Variants in NFIX observed in about 807,000 individuals in gnomAD.
NFIX encodes the protein nuclear factor I X.
Under a neutral mutation model 53.3 loss-of-function variants are expected in NFIX, and 2 were observed. The observed-to-expected ratio is 0.04, with a 90% CI of 0.02 to 0.12. The LOEUF (loss-of-function observed/expected upper bound fraction) is 0.12, where lower values mean the gene tolerates loss of function less well. NFIX is among the 10% of genes least tolerant of loss of function. The pLI, the probability that NFIX is intolerant of heterozygous loss-of-function variation, is 1.00. For missense variants in NFIX, 310 were observed against 674.5 expected (o/e 0.46, Z 5.99); for synonymous variants, 244 against 289.0 (o/e 0.84, Z 1.58).
Position 13,088,035 on chromosome 19 carries a change from C to T in NFIX, c.1301C>T (p.Pro434Leu). Residue 434 changes from proline (P) to leucine (L), a missense_variant, in exon 9 of 11, where the codon CCG (proline) becomes CTG (leucine). Coordinates refer to ENST00000592199, the MANE Select transcript of NFIX (RefSeq NM_001365902.3). This position sits in a 1 kb window ranked among gnomAD's most constrained non-coding sequence, Gnocchi z 5.9. The part of the protein sequence containing the change: ...QGKVPGSFLL[P>L]PPPPVARPVP... The stretch of plus-strand genomic sequence containing the variant: ...AAAGTCCCGGGGTCATTTTTGCTAC[C>T]GCCGCCGCCTCCAGTGGCCAGACCT... The T allele has an allele frequency of 2.6e-6, 4 of 1,536,126 alleles. No individual in the cohort carries two copies. Among genetic ancestry groups the T allele is most frequent in the Non-Finnish European group, 3.5e-6 (4 of 1,146,908 alleles).
At chr19:13,058,272 T>C (rs941019224) in intron 2 of NFIX, among the ~76,000 whole-genome samples, 5 of 152,108 alleles carry the variant, frequency 3.3e-5, no homozygotes, top group Non-Finnish European at 5.9e-5. Context: ...ACCTCTCCTG[T>C]AGGCCCTGCC....
chr19:13,040,168 C>G lies in NFIX; in HGVS notation c.559+14616C>G, dbSNP rs117802214. ...AGGAAAATGGGGAAGGAGCAGCCTT[C>G]TTCTCAGCCCCTTCCTTCACCCCTG... On this transcript the variant is annotated intron_variant, in intron 2 of 10. Coordinates refer to ENST00000592199, the MANE Select transcript of NFIX (RefSeq NM_001365902.3). The surrounding 1 kb of genome is among the most constrained non-coding windows in gnomAD (Gnocchi z 4.2). Among the ~76,000 whole-genome samples the G allele has an allele frequency of 0.028, 4,284 of 152,332 alleles. 72 individuals are homozygous for G. Among genetic ancestry groups the G allele is most frequent in the Middle Eastern group, 0.082 (24 of 294 alleles).
chr19:13,078,341 C>A lies in NFIX; in HGVS notation c.956-272C>A, dbSNP rs1258708527. Reference sequence around the variant, plus strand: ...GCATAGGCTGGGGCCCTTGCTCACCCCCTGCCTGGCACACACCACCCCACA... The same window carrying A: ...GCATAGGCTGGGGCCCTTGCTCACCACCTGCCTGGCACACACCACCCCACA... On this transcript the variant is annotated intron_variant, in intron 6 of 10. Transcript: ENST00000592199. The surrounding 1 kb of genome is among the most constrained non-coding windows in gnomAD (Gnocchi z 4.7). Among the ~76,000 whole-genome samples the A allele has an allele frequency of 6.6e-6, 1 of 152,256 alleles. No individual in the cohort carries two copies. The highest frequency in any genetic ancestry group is 2.4e-5 in the African/African-American group (1 of 41,464).
At chr19:13,074,692 G>C (rs1377137152) in intron 5 of NFIX, among the ~76,000 whole-genome samples, 2 of 151,722 alleles carry the variant, frequency 1.3e-5, no homozygotes, top group Non-Finnish European at 1.5e-5. Flanking sequence ...GTGCTGGGCA[G>C]GGTCCACTCC....
chr19:13,077,451 T>G (rs928066662), intron 6 of NFIX, among the ~76,000 whole-genome samples: 3 of 152,140 alleles, frequency 2.0e-5, no homozygotes, highest in African/African-American at 7.2e-5. Context: ...GGGGAGGCAC[T>G]GTGCGGCCAT....
chr19:13,000,143 A>G (rs1380007106), intron 1 of NFIX, among the ~76,000 whole-genome samples: 1 of 152,222 alleles, frequency 6.6e-6, no homozygotes, highest in Non-Finnish European at 1.5e-5. Flanking sequence ...GTCAGACAGA[A>G]ATGGGTTCGA....
intron 1 of NFIX, 199 bp from the exon 2 acceptor site, chr19:13,024,822 C>A: frequency 7.4e-7 from 1 of 1,359,890 alleles, no homozygotes. Flanking sequence ...GCTGGCGAAG[C>A]TGGTGGTGGC....
In NFIX at chr19:13,067,444, A is replaced by G. The variant is rs1019843420; in HGVS notation, c.560-5603A>G. Among the ~76,000 whole-genome samples the G allele has an allele frequency of 1.3e-5, 2 of 148,688 alleles. No homozygotes were observed. Among genetic ancestry groups the G allele is most frequent in the African/African-American group, 2.5e-5 (1 of 39,914 alleles). ...TGGACGGCAAGAAGTGGTTAGTGGC[A>G]CCTCCGTGTGTGTGCGCGCGTGTGT... is the stretch of plus-strand genomic sequence containing the variant. On this transcript the variant is annotated intron_variant, in intron 2 of 10. Transcript: ENST00000592199. The surrounding 1 kb of genome is among the most constrained non-coding windows in gnomAD (Gnocchi z 4.2).
rs947859282 is a variant in NFIX, at chr19:13,090,929, G to A, written c.1494+539G>A. Among the ~76,000 whole-genome samples the A allele has an allele frequency of 3.9e-5, 6 of 152,152 alleles. No individual in the cohort carries two copies. The highest frequency in any genetic ancestry group is 7.4e-5 in the Non-Finnish European group (5 of 68,022). On this transcript the variant is annotated intron_variant, in intron 10 of 10. Transcript: ENST00000592199. The surrounding 1 kb of genome is among the most constrained non-coding windows in gnomAD (Gnocchi z 6.6). ...CCCAAGTCTCCAGGAGTCCTGTTAG[G>A]GAGAAGGCCAGCATGCTGGAGACCT...
chr19:13,047,603 C>T (rs1399524741), intron 2 of NFIX, among the ~76,000 whole-genome samples: 1 of 152,114 alleles, frequency 6.6e-6, no homozygotes, highest in African/African-American at 2.4e-5. Context: ...TTGAGTGGTG[C>T]CATGTGTTGA....
chr19:12,998,927 C>A lies in NFIX; in HGVS notation c.27+3063C>A. On this transcript the variant is annotated intron_variant, in intron 1 of 10. Coordinates refer to ENST00000592199, the MANE Select transcript of NFIX (RefSeq NM_001365902.3). The surrounding 1 kb of genome is among the most constrained non-coding windows in gnomAD (Gnocchi z 4.4). The stretch of plus-strand genomic sequence containing the variant: ...TGTTCACAACCACCCCCAGCGCACA[C>A]ATAAACACTCACAAACCCCTCGAGA... Among the ~76,000 whole-genome samples the A allele has an allele frequency of 6.6e-6, 1 of 152,162 alleles. No individual in the cohort carries two copies.
intron 2 of NFIX, among the ~76,000 whole-genome samples, chr19:13,044,911 C>T (rs1197718442): frequency 6.6e-6 from 1 of 152,150 alleles, no homozygotes; most frequent in Non-Finnish European, 1.5e-5. Flanking sequence ...CAACCCTTCC[C>T]GGGGGCTAAG....
rs1372459056 is a variant in NFIX at position 13,074,931 on chromosome 19, G to A, written c.819-604G>A. ...AAAAAATACAAAAAATTAGCCAGGC[G>A]TGGTGGTGGGCACCTGTAGTCCCAG... On this transcript the variant is annotated intron_variant, in intron 5 of 10. Coordinates refer to ENST00000592199, the MANE Select transcript of NFIX (RefSeq NM_001365902.3). Among the ~76,000 whole-genome samples the A allele has an allele frequency of 3.3e-5, 5 of 151,618 alleles. No individual in the cohort carries two copies. In the East Asian group the frequency reaches 7.7e-4, roughly 23 times the overall value.
rs939078568 is a variant in NFIX, at chr19:13,022,916, C to T, written c.28-2105C>T. 4.6e-5 allele frequency among the ~76,000 whole-genome samples: 7 copies of T among 152,062 alleles called. No homozygotes were observed. The highest frequency in any genetic ancestry group is 1.2e-4 in the African/African-American group (5 of 41,494). On this transcript the variant is annotated intron_variant, in intron 1 of 10. Transcript: ENST00000592199. The surrounding 1 kb of genome is among the most constrained non-coding windows in gnomAD (Gnocchi z 4.5). The stretch of plus-strand genomic sequence containing the variant: ...TGCTGGACTTTGCTTGTTCATTAGA[C>T]GTGAACTTGTCGATTGGGCAAATTG...
chr19:13,013,235 G>A lies in NFIX; in HGVS notation c.28-11786G>A, dbSNP rs957696387. 6.6e-6 allele frequency among the ~76,000 whole-genome samples: 1 copy of A among 152,076 alleles called. No individual in the cohort carries two copies. The highest frequency in any genetic ancestry group is 1.5e-5 in the Non-Finnish European group (1 of 68,022). On this transcript the variant is annotated intron_variant, in intron 1 of 10. Transcript: ENST00000592199. This position sits in a 1 kb window ranked among gnomAD's most constrained non-coding sequence, Gnocchi z 5.9. ...GCAGGCCAGGGGAGAGGACGGAAAA[G>A]TGAAAAAAGAACGTGTGCGCCCAGC...
chr19:13,054,470 G>A (rs914485052), intron 2 of NFIX, among the ~76,000 whole-genome samples: 4 of 152,110 alleles, frequency 2.6e-5, no homozygotes, highest in African/African-American at 4.8e-5. Context: ...CTTGGTGGGC[G>A]GCTGAGGAGC....
Position 12,999,133 on chromosome 19 carries a change from A to G in NFIX, c.27+3269A>G, listed in dbSNP as rs2011580170. 2.0e-5 allele frequency among the ~76,000 whole-genome samples: 3 copies of G among 151,974 alleles called. No homozygotes were observed. In the South Asian group the frequency reaches 6.3e-4, roughly 32 times the overall value. ...ACATCTTTACACAGAGACATAATGC[A>G]GTTGGCTCGCTCAGGTGTGTACACA... is the stretch of plus-strand genomic sequence containing the variant. On this transcript the variant is annotated intron_variant, in intron 1 of 10. Transcript: ENST00000592199.
chr19:13,046,280 G>C (rs2014975149), intron 2 of NFIX, among the ~76,000 whole-genome samples: 1 of 152,130 alleles, frequency 6.6e-6, no homozygotes, highest in African/African-American at 2.4e-5. Flanking sequence ...GATGGGTGTG[G>C]GAACGCAGCC....
chr19:13,087,652 C>T (rs1356108436), intron 8 of NFIX, among the ~76,000 whole-genome samples: 1 of 151,768 alleles, frequency 6.6e-6, no homozygotes, highest in East Asian at 1.9e-4. Flanking sequence ...TGTGAGAGTT[C>T]TAGGTACAGC....
Sources: allele counts gnomAD v4.1 joint callset (sites outside exome capture counted in the v4.1 genomes callset), GRCh38; gene constraint gnomAD v4.1.1; non-coding constraint Gnocchi (gnomAD v3.1); transcripts MANE v1.5; gene names NCBI Gene and HGNC (gene_info 2026-07-23, HGNC 2026-07-21).